The following CEP70 variants were observed in gnomAD, a reference collection of about 807,000 sequenced individuals.
CEP70 encodes centrosomal protein 70, also known as centrosomal protein of 70 kDa.
A neutral mutation model predicts 90.9 loss-of-function variants in CEP70; 70 were observed. That is an observed-to-expected ratio of 0.77 (90% CI 0.64 to 0.94). CEP70 has a LOEUF of 0.94. CEP70 is among the 40% of genes least tolerant of loss of function. CEP70 has a pLI of 0.00. For synonymous variants in CEP70, 220 were observed against 228.3 expected (o/e 0.96, Z 0.33); for missense variants, 648 against 669.0 (o/e 0.97, Z 0.35).
chr3:138,530,536 A>G (rs2037720237), intron 8 of CEP70: 1 of 974,818 alleles, frequency 1.0e-6, no homozygotes, highest in African/African-American at 1.8e-5. Flanking sequence ...AACTTCGGAC[A>G]ACACTGGCCT....
At chr3:138,533,075 T>A (rs1190345973) in intron 7 of CEP70, among the ~76,000 whole-genome samples, 1 of 152,094 alleles carries the variant, frequency 6.6e-6, no homozygotes, top group Non-Finnish European at 1.5e-5. Context: ...AGGTCAGCAG[T>A]TCGAGACTAT....
Position 138,571,280 on chromosome 3 carries a change from CTTTT to C in CEP70, c.142_145del (p.Lys48GlufsTer18). 1 of 1,608,608 alleles carries C rather than the reference CTTTT, an allele frequency of 6.2e-7. No homozygotes were observed. The highest frequency in any genetic ancestry group is 8.5e-7 in the Non-Finnish European group (1 of 1,177,036). On this transcript the variant is annotated frameshift_variant, in exon 4 of 18. Coordinates refer to ENST00000264982, the MANE Select transcript of CEP70 (RefSeq NM_024491.4). LOFTEE classifies it high-confidence loss of function. ...GATCTAATTACCTTTGAGATCTGTTCTTTTGACTAGAGACAAAGGTTTTAAGCCA... is the reference window on the plus strand; with the variant it reads ...GATCTAATTACCTTTGAGATCTGTTCGACTAGAGACAAAGGTTTTAAGCCA...
chr3:138,509,094 C>T (rs1343785807), intron 11 of CEP70, among the ~76,000 whole-genome samples: 3 of 152,028 alleles, frequency 2.0e-5, no homozygotes, highest in African/African-American at 7.2e-5. Flanking sequence ...CTCAATAAAT[C>T]GCAAATTAGA....
intron 2 of CEP70, 147 bp from the exon 3 acceptor site, chr3:138,573,079 C>T (rs866303887): frequency 4.6e-5 from 28 of 611,582 alleles, no homozygotes; most frequent in East Asian, 2.2e-4. Context: ...GTCATTCCTG[C>T]GTCAAAACTT....
intron 12 of CEP70, 50 bp from the exon 13 acceptor site, chr3:138,505,515 A>G: frequency 7.9e-7 from 1 of 1,268,890 alleles, no homozygotes; most frequent in Non-Finnish European, 1.1e-6. Context: ...CTATGCCTAC[A>G]AAGTTATATA....
At position 138,572,919 on chromosome 3, in the gene CEP70, C is replaced by T. The variant is rs142932502; in HGVS notation, c.9G>A (p.Pro3=). The stretch of plus-strand genomic sequence containing the variant: ...TGGAATCCTGGGGTTTAGGGGCTAC[C>T]GGAAACATAGTTACTTTTGTAGAAT... MF[P]VAPKPQDSSQ... The change falls in exon 3 of 18, where the codon CCG becomes CCA. Residue 3 remains proline (P), a synonymous_variant. Transcript: ENST00000264982. The T allele has an allele frequency of 9.5e-4, 1,532 of 1,608,610 alleles. 1 individual carries two copies. Among genetic ancestry groups the T allele is most frequent in the Non-Finnish European group, 1.2e-3 (1,371 of 1,176,700 alleles).
intron 17 of CEP70, chr3:138,496,657 T>C: frequency 4.1e-6 from 4 of 985,358 alleles, no homozygotes; most frequent in Non-Finnish European, 4.8e-6. Context: ...TCCATGTCTG[T>C]TACTCAGTAT....
chr3:138,521,524 C>T (rs543374145), intron 11 of CEP70, among the ~76,000 whole-genome samples: 2 of 151,582 alleles, frequency 1.3e-5, no homozygotes, highest in Admixed American at 1.3e-4. Flanking sequence ...TGGGGAGCAC[C>T]TATGCCCGGC....
At chr3:138,528,322 G>A (rs1028592604) in intron 10 of CEP70, among the ~76,000 whole-genome samples, 1 of 152,158 alleles carries the variant, frequency 6.6e-6, no homozygotes, top group African/African-American at 2.4e-5. Context: ...GAGATTACAG[G>A]TGAAAGCCAC....
chr3:138,568,076 T>C (rs900280066), intron 6 of CEP70, among the ~76,000 whole-genome samples: 2 of 152,262 alleles, frequency 1.3e-5, no homozygotes, highest in East Asian at 1.9e-4. Context: ...GTTGATCATA[T>C]TGGCACAGAT....
At chr3:138,526,333 G>T (rs1010300842) in intron 10 of CEP70, among the ~76,000 whole-genome samples, 9 of 150,578 alleles carry the variant, frequency 6.0e-5, no homozygotes, top group South Asian at 2.1e-4. Context: ...GCTGATTTTT[G>T]TATTTTTTTT....
chr3:138,562,222 C>T (rs1353088396), intron 6 of CEP70, among the ~76,000 whole-genome samples: 4 of 151,958 alleles, frequency 2.6e-5, no homozygotes, highest in African/African-American at 7.3e-5. Flanking sequence ...ACCAAATCTA[C>T]GTTTGATTAT....
At chr3:138,558,608 T>C (rs543434603) in intron 6 of CEP70, among the ~76,000 whole-genome samples, 5 of 152,296 alleles carry the variant, frequency 3.3e-5, no homozygotes, top group African/African-American at 1.2e-4. Flanking sequence ...AGAAATACAC[T>C]AGTTTTCTTT....
chr3:138,563,016 A>C (rs2040518723), intron 6 of CEP70, among the ~76,000 whole-genome samples: 1 of 152,056 alleles, frequency 6.6e-6, no homozygotes, highest in Non-Finnish European at 1.5e-5. Context: ...ATATTTACCA[A>C]GTAAATGGAA....
chr3:138,495,461 C>T (rs1340681576), intron 17 of CEP70, among the ~76,000 whole-genome samples: 2 of 152,234 alleles, frequency 1.3e-5, no homozygotes, highest in Non-Finnish European at 2.9e-5. Context: ...CTCCCTAGGT[C>T]TCCACGTGAG....
intron 7 of CEP70, among the ~76,000 whole-genome samples, chr3:138,533,493 GAATAA>G (rs1362429698): frequency 6.6e-6 from 1 of 152,184 alleles, no homozygotes; most frequent in Admixed American, 6.5e-5. Context: ...CTTAACCAGA[GAATAA>G]TATTGTAAGC....
chr3:138,518,011 G>A lies in CEP70; in HGVS notation c.944+7479C>T, dbSNP rs191201319. ...ACACTGCACTTTTCAAACACCCTTA[G>A]CAAACAGCACACCAGGAGATTATAT... On this transcript the variant is annotated intron_variant, in intron 11 of 17. Coordinates refer to ENST00000264982, the MANE Select transcript of CEP70 (RefSeq NM_024491.4). Among the ~76,000 whole-genome samples the A allele has an allele frequency of 1.5e-4, 23 of 152,300 alleles. No homozygotes were observed. The East Asian group carries it at 4.3e-3, about 28-fold the overall frequency.
intron 8 of CEP70, chr3:138,530,919 T>C (rs1231351954): frequency 1.1e-6 from 1 of 888,640 alleles, no homozygotes; most frequent in Non-Finnish European, 1.3e-6. Context: ...ACTCAGTCAA[T>C]GAATCCCGAA....
At chr3:138,571,187 G>T in intron 4 of CEP70, 30 bp from the exon 5 acceptor site, 1 of 1,547,890 alleles carries the variant, frequency 6.5e-7, no homozygotes, top group Non-Finnish European at 8.7e-7. Context: ...AATACAGATA[G>T]TAAAAATAAA....
Sources: allele counts gnomAD v4.1 joint callset (sites outside exome capture counted in the v4.1 genomes callset), GRCh38; gene constraint gnomAD v4.1.1; transcripts MANE v1.5; gene names NCBI Gene and HGNC (gene_info 2026-07-23, HGNC 2026-07-21).